Variants in STK3 observed in about 807,000 individuals in gnomAD.
The protein encoded by STK3 is serine/threonine kinase 3, also known as serine/threonine-protein kinase 3.
STK3 carries 41 observed loss-of-function variants against 58.0 expected under a neutral mutation model. The observed-to-expected ratio is 0.71, with a 90% CI of 0.55 to 0.92. STK3 has a LOEUF of 0.92. STK3 is among the 40% of genes least tolerant of loss of function. The pLI is 0.00. For synonymous variants in STK3, 170 were observed against 191.0 expected, an observed-to-expected ratio of 0.89 and a Z score of 0.91; for missense variants, 479 against 602.7, an observed-to-expected ratio of 0.79 and a Z score of 2.15.
At chr8:98,867,739 A>G (rs1219951028) in intron 3 of STK3, among the ~76,000 whole-genome samples, 4 of 152,152 alleles carry the variant, frequency 2.6e-5, no homozygotes, top group Admixed American at 6.5e-5. Flanking sequence ...TAACCTCTCC[A>G]TGCCCCAGTT....
intron 4 of STK3, among the ~76,000 whole-genome samples, chr8:98,724,307 C>A (rs2131205060): frequency 6.6e-6 from 1 of 152,272 alleles, no homozygotes; most frequent in Admixed American, 6.5e-5. Flanking sequence ...TTCTACCACT[C>A]AGGAAGGGCT....
intron 6 of STK3, among the ~76,000 whole-genome samples, chr8:98,628,027 G>C (rs138947788): frequency 1.3e-5 from 2 of 152,260 alleles, no homozygotes; most frequent in East Asian, 3.9e-4. Flanking sequence ...CAGCTCAGTA[G>C]AATACTACAA....
the STK3 span, among the ~76,000 whole-genome samples, chr8:98,361,284 T>C: frequency 6.6e-6 from 1 of 151,888 alleles, no homozygotes; most frequent in African/African-American, 2.4e-5. Context: ...GTGCCAGAGG[T>C]GGTAGCTGCA....
At chr8:98,808,120 GAAC>G (rs1379983557) in intron 1 of STK3, among the ~76,000 whole-genome samples, 3 of 152,172 alleles carry the variant, frequency 2.0e-5, no homozygotes, top group African/African-American at 2.4e-5. Flanking sequence ...AAATTATGTA[GAAC>G]AATAATCAAA....
chr8:98,460,195 C>T (rs556952554), intron 10 of STK3, among the ~76,000 whole-genome samples: 15 of 152,296 alleles, frequency 9.8e-5, no homozygotes, highest in African/African-American at 3.6e-4. Context: ...CAATGTGACC[C>T]GGATGTGAGA....
chr8:98,775,901 T>C (rs1232448253), intron 1 of STK3, among the ~76,000 whole-genome samples: 4 of 152,212 alleles, frequency 2.6e-5, no homozygotes, highest in Non-Finnish European at 2.9e-5. Context: ...AGATATATCA[T>C]GATGAACTGA....
At chr8:98,379,806 A>G (rs1429876195) in intron 1 of STK3, among the ~76,000 whole-genome samples, 1 of 152,264 alleles carries the variant, frequency 6.6e-6, no homozygotes, top group Non-Finnish European at 1.5e-5. Flanking sequence ...GTATTTATCC[A>G]AAAGAATTGA....
intron 1 of STK3, among the ~76,000 whole-genome samples, chr8:98,908,252 C>T (rs1838990461): frequency 6.6e-6 from 1 of 152,168 alleles, no homozygotes; most frequent in South Asian, 2.1e-4. Flanking sequence ...AAAATGTTCT[C>T]TTATCAACTT....
downstream of STK3, among the ~76,000 whole-genome samples, chr8:98,449,803 G>A (rs1248571880): frequency 2.0e-5 from 3 of 152,148 alleles, no homozygotes; most frequent in African/African-American, 4.8e-5. Flanking sequence ...TTGATACTGC[G>A]TTAGTTCTCC....
chr8:98,608,240 T>TA (rs529214454), intron 6 of STK3, among the ~76,000 whole-genome samples: 33 of 147,122 alleles, frequency 2.2e-4, no homozygotes, highest in South Asian at 4.3e-4. Flanking sequence ...CACTCACAAA[T>TA]AAAAAAAAAA....
chr8:98,507,801 T>C (rs970509573), intron 10 of STK3, among the ~76,000 whole-genome samples: 1 of 152,156 alleles, frequency 6.6e-6, no homozygotes, highest in African/African-American at 2.4e-5. Flanking sequence ...CTACTTGGAA[T>C]GTTCTTCCTT....
At chr8:98,599,303 ATAAAG>A (rs1055526410) in intron 6 of STK3, among the ~76,000 whole-genome samples, 10 of 152,248 alleles carry the variant, frequency 6.6e-5, no homozygotes, top group African/African-American at 1.9e-4. Flanking sequence ...TGGAAAGGAA[ATAAAG>A]TAATTACACT....
chr8:98,768,832 C>T (rs1831111847), intron 2 of STK3, among the ~76,000 whole-genome samples: 1 of 152,216 alleles, frequency 6.6e-6, no homozygotes, highest in Non-Finnish European at 1.5e-5. Context: ...ACAGTTGTAG[C>T]AGATGGACTG....
intron 6 of STK3, among the ~76,000 whole-genome samples, chr8:98,653,813 A>G (rs1821202366): frequency 6.6e-6 from 1 of 152,290 alleles, no homozygotes; most frequent in South Asian, 2.1e-4. Context: ...TAGAACAATA[A>G]CAGGCTCTGA....
At position 98,815,443 on chromosome 8, in the gene STK3, G is replaced by A. The variant is rs141155111; in HGVS notation, c.26+10072C>T. ...ATCATTTCTTACTAAGAGAAACCAC[G>A]GCTTTTTGGAGAAATGGATGATTCC... On this transcript the variant is annotated intron_variant, in intron 1 of 10. Coordinates refer to ENST00000419617, the MANE Select transcript of STK3 (RefSeq NM_006281.4). 4.1e-4 allele frequency among the ~76,000 whole-genome samples: 62 copies of A among 152,248 alleles called. 1 individual carries two copies. The highest frequency in any genetic ancestry group is 1.2e-3 in the African/African-American group (50 of 41,546).
At chr8:98,459,481 T>C (rs964561916) in intron 10 of STK3, among the ~76,000 whole-genome samples, 2 of 152,208 alleles carry the variant, frequency 1.3e-5, no homozygotes, top group Non-Finnish European at 2.9e-5. Flanking sequence ...AAGAAAAACC[T>C]GTTTTCTGGG....
intron 6 of STK3, among the ~76,000 whole-genome samples, chr8:98,609,052 C>G (rs1398986294): frequency 6.6e-6 from 1 of 152,170 alleles, no homozygotes; most frequent in Non-Finnish European, 1.5e-5. Context: ...GTGATCTTGT[C>G]TGGGTAGCCA....
chr8:98,779,926 A>G (rs1444533378), intron 1 of STK3, among the ~76,000 whole-genome samples: 3 of 150,162 alleles, frequency 2.0e-5, no homozygotes, highest in Non-Finnish European at 4.4e-5. Flanking sequence ...AAACTTATAT[A>G]TAAGTCAATG....
intron 1 of STK3, among the ~76,000 whole-genome samples, chr8:98,784,484 G>A (rs888969464): frequency 7.9e-5 from 12 of 152,206 alleles, no homozygotes; most frequent in African/African-American, 2.9e-4. Context: ...TTCCCCTGTG[G>A]TGCAGCAGGG....
Sources: gnomAD v4.1 joint callset for allele counts (sites outside exome capture counted in the v4.1 genomes callset) on GRCh38, gnomAD v4.1.1 for gene constraint, MANE v1.5 for transcripts, NCBI Gene and HGNC (gene_info 2026-07-23, HGNC 2026-07-21) for gene names.